GOLGB1: variants seen among roughly 807,000 people sequenced by gnomAD.
GOLGB1 encodes the protein golgin subfamily B member 1.
GOLGB1 carries 174 observed loss-of-function variants against 336.9 expected under a neutral mutation model. That is an observed-to-expected ratio of 0.52 (90% CI 0.46 to 0.59). GOLGB1 has a LOEUF of 0.59. GOLGB1 is among the 20% of genes least tolerant of loss of function. The pLI, the probability that GOLGB1 is intolerant of heterozygous loss-of-function variation, is 0.00. For synonymous variants in GOLGB1, 1,208 were observed against 1,289.2 expected, an observed-to-expected ratio of 0.94 and a Z score of 1.35; for missense variants, 3,331 against 3,645.3, an observed-to-expected ratio of 0.91 and a Z score of 2.22.
At chr3:121,683,187 C>A (rs905480056) in intron 14 of GOLGB1, among the ~76,000 whole-genome samples, 1 of 149,700 alleles carries the variant, frequency 6.7e-6, no homozygotes, top group Non-Finnish European at 1.5e-5. Flanking sequence ...CAGGCGTGAG[C>A]CACTGCGCCC....
chr3:121,717,103 G>C lies in GOLGB1; in HGVS notation c.922C>G (p.His308Asp). The change falls in exon 9 of 22, where the codon CAT (histidine) becomes GAT (aspartate). Residue 308 changes from histidine to aspartate, a missense_variant. Transcript: ENST00000614479. ...SQQLQQMEAE[H>D]NTLRNTVETE... is the part of the protein sequence containing the mutation. ...TCCACAGTGTTCCTCAAAGTATTAT[G>C]CTCAGCTTCCATCTGCTGTAACTGC... is the stretch of plus-strand genomic sequence containing the variant. The C allele has an allele frequency of 6.2e-7, 1 of 1,612,502 alleles. No homozygotes were observed. The highest frequency in any genetic ancestry group is 8.5e-7 in the Non-Finnish European group (1 of 1,178,932).
At chr3:121,731,159 G>T (rs1385187197) in intron 1 of GOLGB1, among the ~76,000 whole-genome samples, 186 bp from the exon 2 acceptor site, 1 of 152,128 alleles carries the variant, frequency 6.6e-6, no homozygotes, top group East Asian at 1.9e-4. Flanking sequence ...GTAGTCACAC[G>T]CTGTTCTTTT....
At chr3:121,732,279 T>C (rs1405012052) in intron 1 of GOLGB1, among the ~76,000 whole-genome samples, 1 of 152,166 alleles carries the variant, frequency 6.6e-6, no homozygotes, top group Non-Finnish European at 1.5e-5. Flanking sequence ...GCTTCATTAG[T>C]AGGTAACAAG....
intron 10 of GOLGB1, among the ~76,000 whole-genome samples, chr3:121,712,621 A>G (rs928852684): frequency 6.6e-6 from 1 of 152,154 alleles, no homozygotes; most frequent in African/African-American, 2.4e-5. Flanking sequence ...TAAAAAGACA[A>G]CTCAAATTTA....
At chr3:121,681,276 T>C (rs944596000) in intron 15 of GOLGB1, among the ~76,000 whole-genome samples, 1 of 152,122 alleles carries the variant, frequency 6.6e-6, no homozygotes, top group Non-Finnish European at 1.5e-5. Context: ...ATGACAAAAT[T>C]GAACACAGAT....
Position 121,694,565 on chromosome 3 carries a change from C to T in GOLGB1, c.5958G>A (p.Lys1986=). The change falls in exon 13 of 22, where the codon AAG becomes AAA. Residue 1986 remains lysine, a synonymous_variant. Coordinates refer to ENST00000614479, the MANE Select transcript of GOLGB1 (RefSeq NM_001366282.2). ...EKQQLVKEKT[K]VESEIRKEYL... Reference sequence around the variant, plus strand: ...ATTCCTTTCGTATTTCTGATTCCACCTTAGTTTTTTCCTTGACTAACTGCT... The same window carrying T: ...ATTCCTTTCGTATTTCTGATTCCACTTTAGTTTTTTCCTTGACTAACTGCT... 1.2e-6 allele frequency: 2 copies of T among 1,612,498 alleles called. No individual in the cohort carries two copies. Among genetic ancestry groups the T allele is most frequent in the Non-Finnish European group, 1.7e-6 (2 of 1,179,898 alleles).
chr3:121,728,268 G>A (rs867225617), intron 4 of GOLGB1, among the ~76,000 whole-genome samples: 6 of 152,176 alleles, frequency 3.9e-5, no homozygotes, highest in Admixed American at 2.6e-4. Flanking sequence ...GCCCTGAGAG[G>A]AAAGACTAAG....
At position 121,691,167 on chromosome 3, in the gene GOLGB1, C is replaced by T. The variant is rs1176855812; in HGVS notation, c.8197G>A (p.Gly2733Ser). 6.2e-7 allele frequency: 1 copy of T among 1,613,342 alleles called. No homozygotes were observed. Among genetic ancestry groups the T allele is most frequent in the Non-Finnish European group, 8.5e-7 (1 of 1,179,904 alleles). ...KLLMVTKENK[G>S]LTAQIQSFGR... ...AAAGACTGAATTTGTGCTGTGAGAC[C>T]TTTATTTTCTTTGGTGACCATGAGT... The change falls in exon 14 of 22, where the codon GGT (glycine) becomes AGT (serine). Residue 2733 changes from glycine to serine, a missense_variant. Transcript: ENST00000614479.
In GOLGB1 at chr3:121,695,413, G is replaced by A; in HGVS notation, c.5110C>T (p.Leu1704Phe). Residue 1704 changes from leucine (L) to phenylalanine (F), a missense_variant, in exon 13 of 22, where the codon CTT becomes TTT. Coordinates refer to ENST00000614479, the MANE Select transcript of GOLGB1 (RefSeq NM_001366282.2). The stretch of plus-strand genomic sequence containing the variant: ...CCTGCAGGGTGCACCTCTGCCCTAA[G>A]CCGGTCATTCTCTTCTTCCAGCTCT... The part of the protein sequence containing the change: ...ILELEEENDR[L>F]RAEVHPAGDT... The A allele has an allele frequency of 6.2e-7, 1 of 1,613,988 alleles. No individual in the cohort carries two copies. The highest frequency in any genetic ancestry group is 8.5e-7 in the Non-Finnish European group (1 of 1,179,990).
At chr3:121,738,071 T>C (rs577666842) in intron 1 of GOLGB1, among the ~76,000 whole-genome samples, 13 of 152,354 alleles carry the variant, frequency 8.5e-5, no homozygotes, top group African/African-American at 2.4e-4. Context: ...GATTCTAAAC[T>C]TTCTTTTCAA....
At chr3:121,738,723 G>A (rs1002641433) in intron 1 of GOLGB1, among the ~76,000 whole-genome samples, 3 of 152,118 alleles carry the variant, frequency 2.0e-5, no homozygotes, top group Non-Finnish European at 4.4e-5. Flanking sequence ...CTCTCTTCCA[G>A]GATAGGGTCC....
In GOLGB1 at chr3:121,716,922, T is replaced by C. The variant is rs937575878; in HGVS notation, c.1103A>G (p.Tyr368Cys). 2.5e-6 allele frequency: 4 copies of C among 1,613,822 alleles called. No individual in the cohort carries two copies. The highest frequency in any genetic ancestry group is 3.4e-6 in the Non-Finnish European group (4 of 1,179,718). Residue 368 changes from tyrosine (Y) to cysteine (C), a missense_variant, in exon 9 of 22, where the codon TAT (tyrosine) becomes TGT (cysteine). Transcript: ENST00000614479. ...TTTGTGCTTCTGCTCCAAAGCACTA[T>C]ACCGAGACTCTAGTTCAGCCTGGGC... is the stretch of plus-strand genomic sequence containing the variant. ...GQAQAELESR[Y>C]SALEQKHKAE...
chr3:121,727,238 G>T (rs1945686599), intron 4 of GOLGB1, among the ~76,000 whole-genome samples, 197 bp from the exon 5 acceptor site: 2 of 132,200 alleles, frequency 1.5e-5, no homozygotes, highest in Admixed American at 8.7e-5. Flanking sequence ...GTTCCTGTTA[G>T]ACCTACCCTC....
chr3:121,688,039 T>C lies in GOLGB1; in HGVS notation c.8694+2631A>G, dbSNP rs114479792. Among the ~76,000 whole-genome samples the C allele has an allele frequency of 4.2e-3, 637 of 152,304 alleles. 6 individuals are homozygous for C. Among genetic ancestry groups the C allele is most frequent in the African/African-American group, 0.014 (595 of 41,552 alleles). On this transcript the variant is annotated intron_variant, in intron 14 of 21. Transcript: ENST00000614479. ...AAAGGGGAAAGACTGTCTATAAATA[T>C]GGGATATTAAGTGAGATAGGAATGA...
intron 10 of GOLGB1, among the ~76,000 whole-genome samples, chr3:121,714,424 A>G (rs559004299): frequency 1.3e-5 from 2 of 152,290 alleles, no homozygotes; most frequent in East Asian, 3.9e-4. Context: ...ATACTTTTTT[A>G]CTGTTAATTA....
chr3:121,700,421 A>G (rs993232260), intron 11 of GOLGB1, among the ~76,000 whole-genome samples: 2 of 152,150 alleles, frequency 1.3e-5, no homozygotes, highest in Non-Finnish European at 2.9e-5. Context: ...CCAAGTCTTC[A>G]GAGTTTTAAC....
rs151007451 is a variant in GOLGB1, at chr3:121,695,243, C to T, written c.5280G>A (p.Glu1760=). The stretch of plus-strand genomic sequence containing the variant: ...CTATCTGATGCTTTAAATCTTGAAC[C>T]TCTTCACTTAGAGAGTCTTTCTCAG... ...LMSEKDSLSE[E]VQDLKHQIEG... Residue 1760 remains glutamate (E), a synonymous_variant, in exon 13 of 22, where the codon GAG becomes GAA. Coordinates refer to ENST00000614479, the MANE Select transcript of GOLGB1 (RefSeq NM_001366282.2). 53 of 1,613,488 alleles carry T rather than the reference C, an allele frequency of 3.3e-5. No homozygotes were observed. In the African/African-American group the frequency reaches 6.9e-4, roughly 21 times the overall value.
intron 17 of GOLGB1, among the ~76,000 whole-genome samples, chr3:121,673,073 G>T (rs986353659): frequency 2.3e-4 from 32 of 140,968 alleles, no homozygotes; most frequent in African/African-American, 7.2e-4. Flanking sequence ...TTGTTTTTTG[G>T]TTTTTTTTTT....
At chr3:121,712,422 G>GAA (rs1028195937) in intron 10 of GOLGB1, among the ~76,000 whole-genome samples, 1 of 138,882 alleles carries the variant, frequency 7.2e-6, no homozygotes, top group Admixed American at 7.1e-5. Flanking sequence ...ACAGGACACA[G>GAA]AAAAAAAAAA....
Sources: allele counts gnomAD v4.1 joint callset (sites outside exome capture counted in the v4.1 genomes callset), GRCh38; gene constraint gnomAD v4.1.1; transcripts MANE v1.5; gene names NCBI Gene and HGNC (gene_info 2026-07-23, HGNC 2026-07-21).